ADGRV1: variants seen among roughly 807,000 people sequenced by gnomAD.
ADGRV1 encodes the protein G-protein coupled receptor 98.
A neutral mutation model predicts 596.2 loss-of-function variants in ADGRV1; 359 were observed. That is an observed-to-expected ratio of 0.60 (90% CI 0.55 to 0.66). ADGRV1 has a LOEUF of 0.66. Ranked by LOEUF, ADGRV1 falls within the 30% of genes least tolerant of loss-of-function variation. The pLI, the probability that ADGRV1 is intolerant of heterozygous loss-of-function variation, is 0.00. For missense variants in ADGRV1, 7,274 were observed against 7,575.6 expected, an observed-to-expected ratio of 0.96 and a Z score of 1.48; for synonymous variants, 2,681 against 2,679.2, an observed-to-expected ratio of 1.00 and a Z score of -0.02.
At position 90,690,016 on chromosome 5, in the gene ADGRV1, G is replaced by T; in HGVS notation, c.6646G>T (p.Gly2216Trp). The T allele has an allele frequency of 6.2e-7, 1 of 1,601,054 alleles. No homozygotes were observed. Among genetic ancestry groups the T allele is most frequent in the South Asian group, 1.1e-5 (1 of 88,932 alleles). The part of the protein sequence containing the change: ...MNETTGGARL[G>W]ALTEAVIIIE... ...TGAAACAACAGGAGGAGCCAGACTA[G>T]GGGCTTTAACAGAGGCAGTCATTAT... is the stretch of plus-strand genomic sequence containing the variant. The change falls in exon 30 of 90, where the codon GGG becomes TGG. Residue 2216 changes from glycine to tryptophan, a missense_variant. This residue lies in a region of ADGRV1 where 3,643 missense variants were observed against 3,809.2 expected (regional missense o/e 0.96). Coordinates refer to ENST00000405460, the MANE Select transcript of ADGRV1 (RefSeq NM_032119.4).
intron 55 of ADGRV1, among the ~76,000 whole-genome samples, chr5:90,756,086 G>C (rs1046188044): frequency 6.6e-6 from 1 of 151,796 alleles, no homozygotes; most frequent in Non-Finnish European, 1.5e-5. Context: ...CAAGTCTAGA[G>C]CTTTTGCTTT....
intron 71 of ADGRV1, 43 bp from the exon 72 acceptor site, chr5:90,805,241 G>A (rs1221075202): frequency 6.4e-7 from 1 of 1,568,266 alleles, no homozygotes; most frequent in Non-Finnish European, 8.7e-7. Context: ...AAACAGGAAG[G>A]TTTAGAGAGA....
intron 86 of ADGRV1, among the ~76,000 whole-genome samples, chr5:91,090,897 G>C (rs1790324893): frequency 6.6e-6 from 1 of 152,092 alleles, no homozygotes; most frequent in African/African-American, 2.4e-5. Flanking sequence ...AGAGTAGAGT[G>C]GATGGGATAG....
intron 85 of ADGRV1, among the ~76,000 whole-genome samples, chr5:90,996,051 T>A (rs1781386200): frequency 6.6e-6 from 1 of 152,172 alleles, no homozygotes; most frequent in Non-Finnish European, 1.5e-5. Flanking sequence ...TTTGGAAAAT[T>A]TGCAGCCTGG....
At chr5:90,662,374 T>C (rs1770476203) in intron 21 of ADGRV1, among the ~76,000 whole-genome samples, 1 of 151,832 alleles carries the variant, frequency 6.6e-6, no homozygotes, top group South Asian at 2.1e-4. Context: ...TTTGTATTTT[T>C]AGCAGAGACG....
Position 91,140,842 on chromosome 5 carries a change from T to C in ADGRV1, c.18433-9188T>C, listed in dbSNP as rs143664233. On this transcript the variant is annotated intron_variant, in intron 87 of 89. Transcript: ENST00000405460. The stretch of plus-strand genomic sequence containing the variant: ...ATCATGACTGATTAGCGTTCCATGC[T>C]TTGAAACTTAACAGAATCATGAAGA... 1.3e-4 allele frequency among the ~76,000 whole-genome samples: 20 copies of C among 152,340 alleles called. No individual in the cohort carries two copies. In the East Asian group the frequency reaches 3.7e-3, roughly 28 times the overall value.
intron 84 of ADGRV1, among the ~76,000 whole-genome samples, chr5:90,970,705 A>G (rs1778891408): frequency 6.6e-6 from 1 of 152,196 alleles, no homozygotes; most frequent in Non-Finnish European, 1.5e-5. Flanking sequence ...CCCCATCTGT[A>G]CGTCACCATC....
intron 29 of ADGRV1, among the ~76,000 whole-genome samples, chr5:90,687,097 G>A (rs925454150): frequency 1.3e-5 from 2 of 152,102 alleles, no homozygotes; most frequent in Non-Finnish European, 2.9e-5. Flanking sequence ...GTTCATTGTA[G>A]ATTCTGGATA....
At chr5:90,892,263 A>T (rs1210843656) in intron 83 of ADGRV1, among the ~76,000 whole-genome samples, 2 of 152,024 alleles carry the variant, frequency 1.3e-5, no homozygotes, top group East Asian at 3.8e-4. Context: ...AAATTTTCAA[A>T]TTTGTTCTGT....
intron 85 of ADGRV1, among the ~76,000 whole-genome samples, chr5:90,986,085 CATAATATATATATATATATATTATGCAT>C (rs775592291): frequency 0.04 from 3,187 of 80,248 alleles, 54 homozygotes; most frequent in Admixed American, 0.051. Context: ...CATATATATG[CATAATATATATATATATATATTATGCAT>C]ATATATATAT....
intron 86 of ADGRV1, among the ~76,000 whole-genome samples, chr5:91,094,784 G>T (rs1013886419): frequency 3.9e-5 from 6 of 152,202 alleles, no homozygotes; most frequent in African/African-American, 1.4e-4. Context: ...CAGCTGTGGA[G>T]GAACTCTGTT....
chr5:90,703,034 T>C (rs781088896), intron 34 of ADGRV1, among the ~76,000 whole-genome samples: 1 of 151,974 alleles, frequency 6.6e-6, no homozygotes, highest in Non-Finnish European at 1.5e-5. Flanking sequence ...AAGTATTATA[T>C]GGGGAAAAAA....
chr5:91,136,595 C>T (rs993941390), intron 87 of ADGRV1, among the ~76,000 whole-genome samples: 2 of 152,154 alleles, frequency 1.3e-5, no homozygotes, highest in Non-Finnish European at 2.9e-5. Context: ...ACAATATCAC[C>T]TTTCTTTATA....
chr5:90,903,671 A>G (rs1772054135), intron 83 of ADGRV1, among the ~76,000 whole-genome samples: 1 of 152,018 alleles, frequency 6.6e-6, no homozygotes, highest in African/African-American at 2.4e-5. Context: ...TTTACACAGT[A>G]CGTGACATGT....
At chr5:91,050,774 G>T (rs1435462850) in intron 85 of ADGRV1, among the ~76,000 whole-genome samples, 1 of 152,162 alleles carries the variant, frequency 6.6e-6, no homozygotes, top group African/African-American at 2.4e-5. Context: ...TGGGAGGATT[G>T]CTTGAGCCCA....
intron 76 of ADGRV1, among the ~76,000 whole-genome samples, chr5:90,826,516 C>T (rs78915400): frequency 0.02 from 3,044 of 152,116 alleles, 95 homozygotes; most frequent in African/African-American, 0.069. Context: ...CCAGGTTTAA[C>T]GGGGTTAATA....
rs1777334923 is a variant in ADGRV1 at position 90,954,824 on chromosome 5, GTAAT to G, written c.17857-10584_17857-10581del. ...GTAGTTTTGTGGCTTAGGAAGCAGA[GTAAT>G]TAATTAGAGTGAATTAATGGCACAC... On this transcript the variant is annotated intron_variant, in intron 83 of 89. Coordinates refer to ENST00000405460, the MANE Select transcript of ADGRV1 (RefSeq NM_032119.4). Among the ~76,000 whole-genome samples, 4 of 151,952 alleles carry G rather than the reference GTAAT, an allele frequency of 2.6e-5. No individual in the cohort carries two copies. The South Asian group carries it at 8.3e-4, about 31-fold the overall frequency.
intron 87 of ADGRV1, among the ~76,000 whole-genome samples, chr5:91,111,918 C>A (rs957439007): frequency 1.2e-4 from 18 of 152,180 alleles, no homozygotes; most frequent in Non-Finnish European, 2.5e-4. Context: ...TATAACTTCA[C>A]AAATAAATAT....
intron 86 of ADGRV1, among the ~76,000 whole-genome samples, chr5:91,086,313 C>T (rs10454910): frequency 6.6e-6 from 1 of 151,952 alleles, no homozygotes; most frequent in African/African-American, 2.4e-5. Flanking sequence ...TCTCTCTGAT[C>T]GCTTGTCCTT....
Sources: gnomAD v4.1 joint callset for allele counts (sites outside exome capture counted in the v4.1 genomes callset) on GRCh38, gnomAD v4.1.1 for gene constraint, gnomAD v4.1.1 regional missense constraint, MANE v1.5 for transcripts, NCBI Gene and HGNC (gene_info 2026-07-23, HGNC 2026-07-21) for gene names.